The following TMEM132D variants were observed in gnomAD, a reference collection of about 807,000 sequenced individuals.
The protein encoded by TMEM132D is transmembrane protein 132D.
In TMEM132D, 21 loss-of-function variants were observed where a neutral mutation model predicts 62.3. The observed-to-expected ratio is 0.34, with a 90% CI of 0.24 to 0.49. The LOEUF is 0.49. Ranked by LOEUF, TMEM132D falls within the 20% of genes least tolerant of loss-of-function variation. The pLI, the probability that TMEM132D is intolerant of heterozygous loss-of-function variation, is 0.99. For synonymous variants in TMEM132D, 621 were observed against 575.6 expected, an observed-to-expected ratio of 1.08 and a Z score of -1.13; for missense variants, 1,346 against 1,402.8, an observed-to-expected ratio of 0.96 and a Z score of 0.65.
intron 3 of TMEM132D, among the ~76,000 whole-genome samples, chr12:129,446,274 G>A (rs1046286822): frequency 1.3e-5 from 2 of 152,184 alleles, no homozygotes. Flanking sequence ...GATGTGGTGT[G>A]ACTTGGTTAG....
At chr12:129,396,186 G>A (rs1168792082) in intron 3 of TMEM132D, among the ~76,000 whole-genome samples, 1 of 151,840 alleles carries the variant, frequency 6.6e-6, no homozygotes, top group Non-Finnish European at 1.5e-5. Context: ...TGTAAAATTA[G>A]CATAAACACA....
At chr12:129,755,231 T>C (rs936968774) in intron 1 of TMEM132D, among the ~76,000 whole-genome samples, 2 of 152,220 alleles carry the variant, frequency 1.3e-5, no homozygotes, top group Non-Finnish European at 2.9e-5. Context: ...ATCATATTCC[T>C]TTTCCAAATT....
chr12:129,463,936 C>T (rs369136893), intron 3 of TMEM132D, among the ~76,000 whole-genome samples: 9 of 149,932 alleles, frequency 6.0e-5, no homozygotes, highest in Non-Finnish European at 1.0e-4. Context: ...AATAAACATA[C>T]GTGTGCATGT....
chr12:129,658,956 G>A (rs1377743389), intron 2 of TMEM132D, among the ~76,000 whole-genome samples: 2 of 152,054 alleles, frequency 1.3e-5, no homozygotes, highest in African/African-American at 4.8e-5. Context: ...GCTGGAGTGT[G>A]GTAGTACAAT....
intron 1 of TMEM132D, among the ~76,000 whole-genome samples, chr12:129,868,498 AC>A (rs1874132742): frequency 6.6e-6 from 1 of 152,174 alleles, no homozygotes; most frequent in Admixed American, 6.6e-5. Flanking sequence ...CTCCAGCTGA[AC>A]CCCCTAGAAG....
intron 3 of TMEM132D, among the ~76,000 whole-genome samples, chr12:129,414,826 G>A (rs531716079): frequency 1.3e-4 from 20 of 152,014 alleles, no homozygotes; most frequent in Admixed American, 5.9e-4. Flanking sequence ...CCACCCCACC[G>A]CCCAGTCTCT....
At chr12:129,309,739 C>T (rs1291798290) in intron 4 of TMEM132D, among the ~76,000 whole-genome samples, 3 of 151,810 alleles carry the variant, frequency 2.0e-5, no homozygotes, top group East Asian at 1.9e-4. Context: ...ATAAAGCTCT[C>T]ATTGGGAAGA....
At chr12:129,537,452 C>T (rs965075902) in intron 2 of TMEM132D, among the ~76,000 whole-genome samples, 3 of 152,112 alleles carry the variant, frequency 2.0e-5, no homozygotes, top group Non-Finnish European at 2.9e-5. Context: ...CACACAGCAG[C>T]GGCAGCCATG....
intron 1 of TMEM132D, among the ~76,000 whole-genome samples, chr12:129,743,243 T>C (rs1382526436): frequency 6.6e-6 from 1 of 152,226 alleles, no homozygotes; most frequent in African/African-American, 2.4e-5. Context: ...CTGATATATT[T>C]GGCCGTGTCT....
chr12:129,155,815 C>G (rs1192762563), intron 5 of TMEM132D, among the ~76,000 whole-genome samples: 1 of 152,100 alleles, frequency 6.6e-6, no homozygotes, highest in Non-Finnish European at 1.5e-5. Flanking sequence ...ATAACCAAAC[C>G]ACTGCTGAGA....
At chr12:129,486,099 G>T (rs1874570624) in intron 3 of TMEM132D, among the ~76,000 whole-genome samples, 1 of 152,126 alleles carries the variant, frequency 6.6e-6, no homozygotes, top group Admixed American at 6.5e-5. Context: ...CCAAGCTCGT[G>T]GGAGCCACCT....
chr12:129,810,852 G>A (rs900185232), intron 1 of TMEM132D, among the ~76,000 whole-genome samples: 1 of 152,004 alleles, frequency 6.6e-6, no homozygotes, highest in Non-Finnish European at 1.5e-5. Context: ...TAAAAATTAA[G>A]CCCCAAGCAA....
intron 1 of TMEM132D, among the ~76,000 whole-genome samples, chr12:129,902,698 C>T (rs1021074609): frequency 2.6e-5 from 4 of 152,246 alleles, no homozygotes; most frequent in African/African-American, 9.6e-5. Flanking sequence ...TGTGCCCAAA[C>T]CTCACAGCGG....
intron 1 of TMEM132D, among the ~76,000 whole-genome samples, chr12:129,880,147 C>T (rs61940260): frequency 0.034 from 5,189 of 151,926 alleles, 140 homozygotes; most frequent in South Asian, 0.09. Context: ...CACAAAACAA[C>T]AAAGAAAAGA....
At chr12:129,135,353 A>G (rs957185095) in intron 5 of TMEM132D, among the ~76,000 whole-genome samples, 4 of 152,186 alleles carry the variant, frequency 2.6e-5, no homozygotes, top group African/African-American at 7.2e-5. Flanking sequence ...TGACTCCTCT[A>G]GAGTTAGACT....
At chr12:129,763,124 C>A (rs1870438206) in intron 1 of TMEM132D, among the ~76,000 whole-genome samples, 1 of 152,206 alleles carries the variant, frequency 6.6e-6, no homozygotes, top group African/African-American at 2.4e-5. Flanking sequence ...GTGGTCCAGG[C>A]TGGAGTGCAG....
chr12:129,261,509 T>C (rs1210215531), intron 4 of TMEM132D, among the ~76,000 whole-genome samples: 1 of 152,228 alleles, frequency 6.6e-6, no homozygotes, highest in Non-Finnish European at 1.5e-5. Context: ...GTGAGTCCAC[T>C]AAACATCTTT....
chr12:129,520,042 G>A (rs192824252), intron 3 of TMEM132D, among the ~76,000 whole-genome samples: 10 of 152,292 alleles, frequency 6.6e-5, no homozygotes, highest in Non-Finnish European at 1.2e-4. Context: ...AGATAGATAA[G>A]TATCTTGTAC....
intron 5 of TMEM132D, chr12:129,085,635 G>A (rs1354350537): frequency 1.3e-5 from 2 of 148,730 alleles, no homozygotes; most frequent in Admixed American, 6.7e-5. Flanking sequence ...CAACCACAAC[G>A]CTAGGCACCA....
Sources: gnomAD v4.1 joint callset for allele counts (sites outside exome capture counted in the v4.1 genomes callset) on GRCh38, gnomAD v4.1.1 for gene constraint, MANE v1.5 for transcripts, NCBI Gene and HGNC (gene_info 2026-07-23, HGNC 2026-07-21) for gene names.